The following CHMP5 variants were observed in gnomAD, a reference collection of about 807,000 sequenced individuals.
The protein encoded by CHMP5 is charged multivesicular body protein 5.
Under a neutral mutation model 33.0 loss-of-function variants are expected in CHMP5, and 17 were observed. The observed-to-expected ratio is 0.52, with a 90% CI of 0.35 to 0.77. CHMP5 has a LOEUF of 0.77. Among genes scored for constraint, CHMP5 ranks in the 30% least tolerant of loss-of-function variants. The pLI is 0.01. For missense variants in CHMP5, 216 were observed against 261.5 expected, an observed-to-expected ratio of 0.83 and a Z score of 1.20; for synonymous variants, 76 against 90.2, an observed-to-expected ratio of 0.84 and a Z score of 0.89.
intron 5 of CHMP5, among the ~76,000 whole-genome samples, chr9:33,272,910 A>C (rs1428201081): frequency 6.6e-6 from 1 of 152,154 alleles, no homozygotes; most frequent in South Asian, 2.1e-4. Flanking sequence ...GCATACATGG[A>C]ATTAAACTTT....
chr9:33,271,052 C>A, intron 4 of CHMP5, 100 bp from the exon 5 acceptor site: 1 of 949,338 alleles, frequency 1.1e-6, no homozygotes, highest in Non-Finnish European at 1.6e-6. Flanking sequence ...GCCTGGGCAG[C>A]AAGAGTGCAA....
At chr9:33,272,651 A>C (rs966198895) in intron 5 of CHMP5, among the ~76,000 whole-genome samples, 10 of 152,022 alleles carry the variant, frequency 6.6e-5, no homozygotes, top group African/African-American at 2.2e-4. Flanking sequence ...AAAAATACAA[A>C]AAATTAGCCG....
In CHMP5 at chr9:33,265,592, C is replaced by T. The variant is rs113809244; in HGVS notation, c.70-418C>T. Among the ~76,000 whole-genome samples the T allele has an allele frequency of 2.0e-5, 3 of 152,298 alleles. 1 individual carries two copies. Among genetic ancestry groups the T allele is most frequent in the Admixed American group, 6.5e-5 (1 of 15,294 alleles). ...ATCTCAGTAACACAAAACTCAGAAC[C>T]CTAGCCCCTCAGATTAAGCCACCAT... On this transcript the variant is annotated intron_variant, in intron 1 of 7. Transcript: ENST00000223500.
chr9:33,277,477 G>A (rs533132548), intron 6 of CHMP5, among the ~76,000 whole-genome samples: 1 of 152,304 alleles, frequency 6.6e-6, no homozygotes, highest in South Asian at 2.1e-4. Context: ...AGGGTGAGTA[G>A]GGGATAGCAT....
intron 5 of CHMP5, among the ~76,000 whole-genome samples, chr9:33,274,655 G>T (rs941963661): frequency 6.6e-6 from 1 of 151,980 alleles, no homozygotes; most frequent in Admixed American, 6.6e-5. Context: ...TCGCTCTGTC[G>T]CCCAGGCTAG....
chr9:33,267,706 G>A lies in CHMP5; in HGVS notation c.175-147G>A, dbSNP rs1440414606. 4.9e-6 allele frequency: 3 copies of A among 607,884 alleles called. No individual in the cohort carries two copies. In the African/African-American group the frequency reaches 5.6e-5, roughly 11 times the overall value. 37.7% of individuals were successfully genotyped at this position (607,884 alleles called of 1,614,324 possible). ...GGACCTTAGAGATACCTGTTTTTGG[G>A]AGGGGAAGTACAGAATCCAGGAGCC... On this transcript the variant is annotated intron_variant, in intron 2 of 7. Transcript: ENST00000223500.
intron 3 of CHMP5, among the ~76,000 whole-genome samples, chr9:33,268,645 G>A (rs140292705): frequency 1.2e-4 from 19 of 152,358 alleles, no homozygotes; most frequent in African/African-American, 4.3e-4. Flanking sequence ...CTAGACTGGT[G>A]AGGGTGTGGT....
chr9:33,271,035 C>T lies in CHMP5; in HGVS notation c.316-117C>T, dbSNP rs182022377. On this transcript the variant is annotated intron_variant, in intron 4 of 7. Coordinates refer to ENST00000223500, the MANE Select transcript of CHMP5 (RefSeq NM_016410.6). Reference sequence around the variant, plus strand: ...AGGCGGAGGTTGCAGTGAGCCATTGCACTCCAGCCTGGGCAGCAAGAGTGC... The same window carrying T: ...AGGCGGAGGTTGCAGTGAGCCATTGTACTCCAGCCTGGGCAGCAAGAGTGC... The T allele has an allele frequency of 2.9e-5, 23 of 787,436 alleles. No individual in the cohort carries two copies. The Admixed American group carries it at 4.0e-4, about 14-fold the overall frequency. 48.8% of individuals were successfully genotyped at this position (787,436 alleles called of 1,614,324 possible).
In CHMP5 at chr9:33,271,152, G is replaced by T. The variant is rs1587797965; in HGVS notation, c.316G>T (p.Val106Phe). Residue 106 changes from valine to phenylalanine, a missense_variant and splice_region_variant, in exon 5 of 8, where the codon GTT (valine) becomes TTT (phenylalanine). Val to Phe is a conservative substitution (Grantham distance 50). Coordinates refer to ENST00000223500, the MANE Select transcript of CHMP5 (RefSeq NM_016410.6). ...IQSLKDTKTT[V>F]DAMKLGVKEM... ...TGTGTTTTCTTCTTCCTTTTCTTAG[G>T]TTGATGCTATGAAACTGGGAGTAAA... 6.2e-7 allele frequency: 1 copy of T among 1,609,986 alleles called. No individual in the cohort carries two copies. Among genetic ancestry groups the T allele is most frequent in the Non-Finnish European group, 8.5e-7 (1 of 1,176,282 alleles).
chr9:33,279,835 C>T (rs1430847984), intron 7 of CHMP5, among the ~76,000 whole-genome samples: 2 of 138,858 alleles, frequency 1.4e-5, no homozygotes, highest in Admixed American at 7.8e-5. Flanking sequence ...TGTACCACTC[C>T]AGCCTGGGCA....
In CHMP5 at chr9:33,281,388, T is replaced by G. The variant is rs182790881; in HGVS notation, c.*529T>G. 6.5e-6 allele frequency: 1 copy of G among 152,916 alleles called. No homozygotes were observed. Among genetic ancestry groups the G allele is most frequent in the African/African-American group, 2.4e-5 (1 of 41,584 alleles). The allele number at this position is 152,916 out of a possible 1,614,324, so 9.5% of individuals were successfully genotyped here. A position where few individuals can be genotyped will look rare whatever the true frequency, so the allele number is the denominator to read the frequency against. ...GAATGGAATTATCACTACTGTATCA[T>G]GAGTGGGTATTTTGATTCTATGGTT... On this transcript the variant is annotated 3_prime_UTR_variant, in exon 8 of 8. Transcript: ENST00000223500.
intron 1 of CHMP5, 62 bp downstream of exon 1, chr9:33,265,209 C>T (rs1309274164): frequency 1.3e-6 from 2 of 1,536,428 alleles, no homozygotes; most frequent in South Asian, 1.1e-5. Flanking sequence ...CCCGCCCACC[C>T]CCAGCCCCGG....
chr9:33,271,057 G>GT, intron 4 of CHMP5, 95 bp from the exon 5 acceptor site: 2 of 1,005,578 alleles, frequency 2.0e-6, no homozygotes, highest in Non-Finnish European at 3.0e-6. Flanking sequence ...GGCAGCAAGA[G>GT]TGCAACTCTG....
intron 2 of CHMP5, among the ~76,000 whole-genome samples, chr9:33,267,439 G>C (rs1039231903): frequency 6.6e-6 from 1 of 152,202 alleles, no homozygotes; most frequent in Non-Finnish European, 1.5e-5. Context: ...AACCTAGAGA[G>C]GTGAGAGATT....
At position 33,270,519 on chromosome 9, in the gene CHMP5, C is replaced by T. The variant is rs1004453270; in HGVS notation, c.222-104C>T. 6 of 937,634 alleles carry T rather than the reference C, an allele frequency of 6.4e-6. No homozygotes were observed. The East Asian group carries it at 1.3e-4, about 20-fold the overall frequency. 58.1% of individuals were successfully genotyped at this position (937,634 alleles called of 1,614,324 possible). ...ATACCTAATTTTTAAGTTTTTTGTT[C>T]CGTTGTTTTTTTTTTAAATACTCTT... On this transcript the variant is annotated intron_variant, in intron 3 of 7. Coordinates refer to ENST00000223500, the MANE Select transcript of CHMP5 (RefSeq NM_016410.6).
chr9:33,273,573 A>T (rs1003682960), intron 5 of CHMP5, among the ~76,000 whole-genome samples: 4 of 151,702 alleles, frequency 2.6e-5, no homozygotes, highest in African/African-American at 9.7e-5. Flanking sequence ...GGTCAGATTT[A>T]TTTTCCTAAA....
intron 5 of CHMP5, among the ~76,000 whole-genome samples, chr9:33,273,096 G>A (rs1765183): frequency 0.98 from 149,312 of 152,120 alleles, 73,348 homozygotes; most frequent in East Asian, 1. Context: ...CAGCCTTCCA[G>A]ATAGCTGGGA....
chr9:33,276,629 C>G, intron 6 of CHMP5, 65 bp downstream of exon 6: 1 of 854,418 alleles, frequency 1.2e-6, no homozygotes, highest in Non-Finnish European at 1.9e-6. Flanking sequence ...TGCCTGGGAC[C>G]TTTTCTCAAA....
chr9:33,279,382 C>A (rs906444780), intron 7 of CHMP5, among the ~76,000 whole-genome samples: 1 of 152,164 alleles, frequency 6.6e-6, no homozygotes, highest in African/African-American at 2.4e-5. Flanking sequence ...GAGTATGCAT[C>A]TTCCTCTATT....
Sources: allele counts gnomAD v4.1 joint callset (sites outside exome capture counted in the v4.1 genomes callset), GRCh38; gene constraint gnomAD v4.1.1; transcripts MANE v1.5; gene names NCBI Gene and HGNC (gene_info 2026-07-23, HGNC 2026-07-21).